The following ARHGAP40 variants were observed in gnomAD, a reference collection of about 807,000 sequenced individuals.
The protein encoded by ARHGAP40 is rho GTPase-activating protein 40.
Under a neutral mutation model 73.5 loss-of-function variants are expected in ARHGAP40, and 43 were observed. The observed-to-expected ratio is 0.58, with a 90% CI of 0.46 to 0.75. The LOEUF is 0.75. Ranked by LOEUF, ARHGAP40 falls within the 30% of genes least tolerant of loss-of-function variation. ARHGAP40 has a pLI of 0.00. For synonymous variants in ARHGAP40, 300 were observed against 352.8 expected (o/e 0.85, Z 1.68); for missense variants, 734 against 861.8 (o/e 0.85, Z 1.86).
chr20:38,642,869 A>T (rs1871377102), intron 10 of ARHGAP40, among the ~76,000 whole-genome samples: 1 of 152,194 alleles, frequency 6.6e-6, no homozygotes. Context: ...GGCCAGGCAC[A>T]GTGGCTCATT....
chr20:38,637,867 A>G (rs1278679371), intron 7 of ARHGAP40, 68 bp downstream of exon 7: 2 of 1,200,620 alleles, frequency 1.7e-6, no homozygotes, highest in Admixed American at 5.5e-5. Context: ...GACCATTGTC[A>G]GGAGACATCC....
intron 5 of ARHGAP40, among the ~76,000 whole-genome samples, chr20:38,631,669 G>C (rs1361388829): frequency 6.6e-6 from 1 of 152,118 alleles, no homozygotes; most frequent in East Asian, 1.9e-4. Flanking sequence ...TGCTCAGAGA[G>C]GAGAAGTGAC....
intron 9 of ARHGAP40, among the ~76,000 whole-genome samples, chr20:38,639,736 G>A (rs568427653): frequency 6.6e-6 from 1 of 152,332 alleles, no homozygotes; most frequent in East Asian, 1.9e-4. Flanking sequence ...ATCATTACCT[G>A]TGTATCTGTG....
At chr20:38,615,603 T>G in intron 1 of ARHGAP40, 1 of 467,370 alleles carries the variant, frequency 2.1e-6, no homozygotes, top group East Asian at 4.8e-5. Context: ...GTCCAATTTC[T>G]ATCCTTTATT....
At chr20:38,610,073 T>C (rs1569007257) in intron 1 of ARHGAP40, among the ~76,000 whole-genome samples, 1 of 152,340 alleles carries the variant, frequency 6.6e-6, no homozygotes, top group East Asian at 1.9e-4. Flanking sequence ...CTGGTCTTTT[T>C]TGAAGGCTTT....
intron 1 of ARHGAP40, among the ~76,000 whole-genome samples, chr20:38,605,276 G>T (rs552061138): frequency 6.6e-6 from 1 of 152,174 alleles, no homozygotes; most frequent in Non-Finnish European, 1.5e-5. Context: ...GGATATGAGG[G>T]TGTGGGCATG....
intron 10 of ARHGAP40, among the ~76,000 whole-genome samples, chr20:38,643,031 C>T (rs6070869): frequency 0.035 from 5,254 of 152,014 alleles, 89 homozygotes; most frequent in South Asian, 0.062. Flanking sequence ...ATCCCAGCTA[C>T]TTGGGAGGCT....
rs187717279 is a variant in ARHGAP40, at chr20:38,609,304, A to C, written c.137+7225A>C. Reference sequence around the variant, plus strand: ...AGTCACCTGGAAGGCTTGTGCAAACACAGATTGCTGCACCCCACCCCCAGA... The same window carrying C: ...AGTCACCTGGAAGGCTTGTGCAAACCCAGATTGCTGCACCCCACCCCCAGA... On this transcript the variant is annotated intron_variant, in intron 1 of 14. Transcript: ENST00000373345. Among the ~76,000 whole-genome samples the C allele has an allele frequency of 3.1e-3, 477 of 152,226 alleles. 2 individuals are homozygous for C. The highest frequency in any genetic ancestry group is 0.01 in the African/African-American group (436 of 41,528).
chr20:38,630,084 T>C (rs6128581), intron 5 of ARHGAP40, among the ~76,000 whole-genome samples: 1 of 92,044 alleles, frequency 1.1e-5, no homozygotes, highest in Admixed American at 1.2e-4. Context: ...TTCTTTCTTT[T>C]TCTTTCTTTC....
intron 1 of ARHGAP40, among the ~76,000 whole-genome samples, chr20:38,612,002 G>A (rs576803024): frequency 3.3e-5 from 5 of 152,134 alleles, no homozygotes; most frequent in Admixed American, 6.5e-5. Flanking sequence ...GGGACTACAG[G>A]CATGAGCCAC....
At chr20:38,647,671 G>T (rs2089063196) in intron 13 of ARHGAP40, among the ~76,000 whole-genome samples, 1 of 152,182 alleles carries the variant, frequency 6.6e-6, no homozygotes, top group Non-Finnish European at 1.5e-5. Context: ...GGGATTACAG[G>T]CGTGAGCCAC....
chr20:38,623,362 T>C (rs79146063), exon 2 of ARHGAP40: 1 of 1,288,942 alleles, frequency 7.8e-7, no homozygotes, highest in African/African-American at 1.5e-5. Context: ...GCTACAGCTC[T>C]GGCCCCTCCT....
At chr20:38,623,292 C>T in intron 1 of ARHGAP40, 67 bp from the exon 2 acceptor site, 1 of 1,170,306 alleles carries the variant, frequency 8.5e-7, no homozygotes, top group South Asian at 1.5e-5. Flanking sequence ...GAGCCACAAG[C>T]CTCAGCACAA....
rs1336411773 is a variant in ARHGAP40, at chr20:38,646,823, C to T, written c.1711-134C>T. ...GATCTGTGCCCAAGTGTCCGGTATG[C>T]GTGTGTGTGTATCTTGTGATTTTCA... On this transcript the variant is annotated intron_variant, in intron 12 of 14. Coordinates refer to ENST00000373345, the Ensembl canonical transcript of ARHGAP40. This position sits in a 1 kb window ranked among gnomAD's most constrained non-coding sequence, Gnocchi z 4.5. 8.2e-6 allele frequency: 6 copies of T among 734,866 alleles called. No homozygotes were observed. The highest frequency in any genetic ancestry group is 1.2e-5 in the Non-Finnish European group (6 of 507,884). 45.5% of individuals were successfully genotyped at this position (734,866 alleles called of 1,614,324 possible). A position where few individuals can be genotyped will look rare whatever the true frequency, so the allele number is the denominator to read the frequency against.
chr20:38,628,574 G>A (rs2088917477), intron 3 of ARHGAP40, among the ~76,000 whole-genome samples: 1 of 152,192 alleles, frequency 6.6e-6, no homozygotes, highest in African/African-American at 2.4e-5. Context: ...AAAGTGCTGG[G>A]ATTACAGGCG....
At chr20:38,604,597 T>C (rs1282721133) in intron 1 of ARHGAP40, among the ~76,000 whole-genome samples, 1 of 152,154 alleles carries the variant, frequency 6.6e-6, no homozygotes, top group Non-Finnish European at 1.5e-5. Context: ...GGTTTCATCA[T>C]GTTGGTCAGG....
rs1053164428 is a variant in ARHGAP40, at chr20:38,646,605, A to G, written c.1711-352A>G. On this transcript the variant is annotated intron_variant, in intron 12 of 14. Coordinates refer to ENST00000373345, the Ensembl canonical transcript of ARHGAP40. This position sits in a 1 kb window ranked among gnomAD's most constrained non-coding sequence, Gnocchi z 4.5. Reference sequence around the variant, plus strand: ...ACGGTTCCTTATTAAAGTCCCGATTAGAGAAATTGATGAGCGTTGAGGCTG... The same window carrying G: ...ACGGTTCCTTATTAAAGTCCCGATTGGAGAAATTGATGAGCGTTGAGGCTG... 5.3e-5 allele frequency among the ~76,000 whole-genome samples: 8 copies of G among 152,192 alleles called. No individual in the cohort carries two copies. Among genetic ancestry groups the G allele is most frequent in the African/African-American group, 1.9e-4 (8 of 41,438 alleles).
chr20:38,627,673 GGTGTGTGTGTT>G (rs796779815), intron 3 of ARHGAP40, among the ~76,000 whole-genome samples: 91 of 148,832 alleles, frequency 6.1e-4, no homozygotes, highest in African/African-American at 2.2e-3. Context: ...GGGGTGTGTT[GGTGTGTGTGTT>G]GTGTGTGTGT....
rs574176358 is a variant in ARHGAP40, at chr20:38,604,645, T to C, written c.137+2566T>C. On this transcript the variant is annotated intron_variant, in intron 1 of 14. Transcript: ENST00000373345. ...TCCTGAGCTCATGATCCACCCGCCTTAGCCTCCCAAAGTGCTGGGATTACA... is the reference window on the plus strand; with the variant it reads ...TCCTGAGCTCATGATCCACCCGCCTCAGCCTCCCAAAGTGCTGGGATTACA... 1.5e-4 allele frequency among the ~76,000 whole-genome samples: 23 copies of C among 152,232 alleles called. No individual in the cohort carries two copies. In the South Asian group the frequency reaches 1.7e-3, roughly 11 times the overall value.
Sources: gnomAD v4.1 joint callset for allele counts (sites outside exome capture counted in the v4.1 genomes callset) on GRCh38, gnomAD v4.1.1 for gene constraint, Gnocchi (gnomAD v3.1) non-coding constraint, MANE v1.5 for transcripts, NCBI Gene and HGNC (gene_info 2026-07-23, HGNC 2026-07-21) for gene names.